The following TOM1L2 variants were observed in gnomAD, a reference collection of about 807,000 sequenced individuals.
The protein encoded by TOM1L2 is target of myb1 like 2 membrane trafficking protein, also known as TOM1-like protein 2.
Under a neutral mutation model 67.9 loss-of-function variants are expected in TOM1L2, and 31 were observed. The ratio of observed to expected loss-of-function variants is 0.46; its 90% confidence interval spans 0.34 to 0.62. The LOEUF (loss-of-function observed/expected upper bound fraction) is 0.62. Among genes scored for constraint, TOM1L2 ranks in the 20% least tolerant of loss-of-function variants. TOM1L2 has a pLI of 0.01. For synonymous variants in TOM1L2, 256 were observed against 254.0 expected, an observed-to-expected ratio of 1.01 and a Z score of -0.07; for missense variants, 606 against 663.5, an observed-to-expected ratio of 0.91 and a Z score of 0.95.
intron 4 of TOM1L2, among the ~76,000 whole-genome samples, chr17:17,891,264 T>C (rs1310945923): frequency 2.6e-5 from 4 of 152,150 alleles, no homozygotes; most frequent in African/African-American, 7.2e-5. Flanking sequence ...GGGCTCAGGA[T>C]TGAGAGCAGA....
intron 1 of TOM1L2, among the ~76,000 whole-genome samples, chr17:17,931,506 G>A (rs574404512): frequency 1.3e-5 from 2 of 152,348 alleles, no homozygotes; most frequent in South Asian, 4.1e-4. Context: ...GGAGTCCTCA[G>A]GAGAACTGGG....
intron 1 of TOM1L2, among the ~76,000 whole-genome samples, chr17:17,953,234 CTT>C (rs2041283598): frequency 6.6e-6 from 1 of 152,152 alleles, no homozygotes; most frequent in African/African-American, 2.4e-5. Flanking sequence ...GAGCCGAAAT[CTT>C]GTCACTGCAC....
chr17:17,869,308 GA>G (rs34879782), intron 8 of TOM1L2, 31 bp downstream of exon 8: 72,585 of 1,417,740 alleles, frequency 0.051, no homozygotes, highest in East Asian at 0.24. Context: ...CTTTTCAAGG[GA>G]AAAAAAAAAA....
rs746278350 is a variant in TOM1L2, at chr17:17,847,717, G to A, written c.1442C>T (p.Pro481Leu). The change falls in exon 15 of 15, where the codon CCC becomes CTC. Residue 481 changes from proline (P) to leucine (L), a missense_variant. Around this residue, in one of 2 missense-constraint regions of TOM1L2, gnomAD observed 543 missense variants for 554.0 expected, o/e 0.98. Coordinates refer to ENST00000379504, the MANE Select transcript of TOM1L2 (RefSeq NM_001082968.2). Reference sequence around the variant, plus strand: ...TGAGGCTGGGGCAGGAGCCTCCATGGGGGGCGAGGGGAGGTCGGGAACCAT... The same window carrying A: ...TGAGGCTGGGGCAGGAGCCTCCATGAGGGGCGAGGGGAGGTCGGGAACCAT... ...AEMVPDLPSP[P>L]MEAPAPASNP... 9.9e-6 allele frequency: 16 copies of A among 1,613,950 alleles called. No individual in the cohort carries two copies. In the Admixed American group the frequency reaches 2.7e-4, roughly 27 times the overall value.
chr17:17,942,171 T>C (rs1474125938), intron 1 of TOM1L2, among the ~76,000 whole-genome samples: 1 of 152,130 alleles, frequency 6.6e-6, no homozygotes, highest in Non-Finnish European at 1.5e-5. Context: ...CACCAGCTTA[T>C]AAAAAACCAG....
At chr17:17,966,692 C>G (rs2041883451) in intron 1 of TOM1L2, among the ~76,000 whole-genome samples, 1 of 152,182 alleles carries the variant, frequency 6.6e-6, no homozygotes, top group Non-Finnish European at 1.5e-5. Context: ...TGCCATTGAC[C>G]TTGCACAAGT....
At chr17:17,912,914 G>A (rs1169505999) in intron 1 of TOM1L2, among the ~76,000 whole-genome samples, 7 of 152,244 alleles carry the variant, frequency 4.6e-5, no homozygotes, top group Admixed American at 2.0e-4. Flanking sequence ...CTGAGTGAAC[G>A]AGACTCCGTC....
At chr17:17,861,343 G>C in intron 12 of TOM1L2, 133 bp downstream of exon 12, 1 of 746,664 alleles carries the variant, frequency 1.3e-6, no homozygotes, top group Non-Finnish European at 2.2e-6. Context: ...GGTGTCCCCC[G>C]TGGGTCTCTC....
chr17:17,903,825 G>C (rs534937122), intron 2 of TOM1L2, among the ~76,000 whole-genome samples: 6 of 151,932 alleles, frequency 3.9e-5, no homozygotes, highest in Non-Finnish European at 8.8e-5. Context: ...TTAGGGAAAT[G>C]AGATTCAAAC....
chr17:17,869,263 G>C (rs749254637), intron 8 of TOM1L2, 77 bp downstream of exon 8: 1 of 1,579,818 alleles, frequency 6.3e-7, no homozygotes, highest in Admixed American at 1.8e-5. Flanking sequence ...TCTTTCCTTT[G>C]TTTATGAAAG....
chr17:17,901,972 T>C (rs1237026202), intron 2 of TOM1L2, among the ~76,000 whole-genome samples: 1 of 151,500 alleles, frequency 6.6e-6, no homozygotes, highest in Non-Finnish European at 1.5e-5. Flanking sequence ...AGGTCAGGAG[T>C]TCAAGACCAG....
chr17:17,920,022 T>A (rs2039791196), intron 1 of TOM1L2, among the ~76,000 whole-genome samples: 1 of 152,024 alleles, frequency 6.6e-6, no homozygotes, highest in African/African-American at 2.4e-5. Context: ...CATCCTCAGG[T>A]AGAGGGTCAC....
chr17:17,946,944 C>T (rs893186027), intron 1 of TOM1L2, among the ~76,000 whole-genome samples: 1 of 152,162 alleles, frequency 6.6e-6, no homozygotes, highest in Admixed American at 6.5e-5. Context: ...AGGCTGGTCT[C>T]GAGCTCCTGA....
chr17:17,928,777 C>G (rs2040203236), intron 1 of TOM1L2, among the ~76,000 whole-genome samples: 1 of 152,180 alleles, frequency 6.6e-6, no homozygotes, highest in South Asian at 2.1e-4. Context: ...ACATAAATAG[C>G]TGCTGTCTGT....
At chr17:17,894,283 C>A (rs536819999) in intron 3 of TOM1L2, among the ~76,000 whole-genome samples, 1 of 152,320 alleles carries the variant, frequency 6.6e-6, no homozygotes, top group South Asian at 2.1e-4. Flanking sequence ...TGCACACACA[C>A]ATCCCCCACT....
At chr17:17,849,185 T>C (rs1666700002) in intron 13 of TOM1L2, among the ~76,000 whole-genome samples, 1 of 152,188 alleles carries the variant, frequency 6.6e-6, no homozygotes, top group African/African-American at 2.4e-5. Context: ...GACCCCACCT[T>C]TGGCACTCTT....
Position 17,845,777 on chromosome 17 carries a change from G to A in TOM1L2, c.*1858C>T, listed in dbSNP as rs1222567425. ...GTCTTCACATTCAAGCTGGCCTCAG[G>A]GGGGTCTGTCTTTGAGAAACATTGA... is the stretch of plus-strand genomic sequence containing the variant. On this transcript the variant is annotated 3_prime_UTR_variant, in exon 15 of 15. Transcript: ENST00000379504. 1.3e-5 allele frequency: 2 copies of A among 152,316 alleles called. No homozygotes were observed. The highest frequency in any genetic ancestry group is 2.1e-4 in the South Asian group (1 of 4,832). 9.4% of individuals were successfully genotyped at this position (152,316 alleles called of 1,614,324 possible). A position where few individuals can be genotyped will look rare whatever the true frequency, so the allele number is the denominator to read the frequency against.
intron 1 of TOM1L2, among the ~76,000 whole-genome samples, chr17:17,965,269 CT>C (rs1344595103): frequency 3.9e-5 from 6 of 152,184 alleles, no homozygotes; most frequent in African/African-American, 1.4e-4. Context: ...GTTCAAACTA[CT>C]TAGCCAACAT....
chr17:17,901,898 T>G (rs2038874919), intron 2 of TOM1L2, among the ~76,000 whole-genome samples: 1 of 152,122 alleles, frequency 6.6e-6, no homozygotes, highest in Non-Finnish European at 1.5e-5. Flanking sequence ...TCTAAAACAG[T>G]CCCAGCTGGG....
Sources: gnomAD v4.1 joint callset for allele counts (sites outside exome capture counted in the v4.1 genomes callset) on GRCh38, gnomAD v4.1.1 for gene constraint, gnomAD v4.1.1 regional missense constraint, MANE v1.5 for transcripts, NCBI Gene and HGNC (gene_info 2026-07-23, HGNC 2026-07-21) for gene names.